ISL1: variants seen among roughly 807,000 people sequenced by gnomAD.
ISL1 encodes ISL LIM homeobox 1, also known as insulin gene enhancer protein ISL-1.
ISL1 carries 4 observed loss-of-function variants against 35.3 expected under a neutral mutation model. The observed-to-expected ratio is 0.11, with a 90% CI of 0.06 to 0.26. The LOEUF is 0.26. Ranked by LOEUF, ISL1 falls within the 10% of genes least tolerant of loss-of-function variation. The probability of loss-of-function intolerance (pLI) is 1.00; values close to 1 mark genes in which losing one functional copy is unlikely to be tolerated. For missense variants in ISL1, 340 were observed against 472.8 expected (o/e 0.72, Z 2.60); for synonymous variants, 186 against 172.3 (o/e 1.08, Z -0.62).
In ISL1 at chr5:51,393,647, A is replaced by G. The variant is rs1747569724; in HGVS notation, c.*37A>G. ...TCTGTATTTTTTTTCCCTGTTGGAGAAAGTGGGAAATTATAATGTCGAACT... is the reference window on the plus strand; with the variant it reads ...TCTGTATTTTTTTTCCCTGTTGGAGGAAGTGGGAAATTATAATGTCGAACT... On this transcript the variant is annotated 3_prime_UTR_variant, in exon 6 of 6. Coordinates refer to ENST00000230658, the MANE Select transcript of ISL1 (RefSeq NM_002202.3). 1 of 1,304,868 alleles carries G rather than the reference A, an allele frequency of 7.7e-7. No homozygotes were observed. Among genetic ancestry groups the G allele is most frequent in the Non-Finnish European group, 1.1e-6 (1 of 897,460 alleles). The allele number at this position is 1,304,868 out of a possible 1,614,324, so 80.8% of individuals were successfully genotyped here. A position where few individuals can be genotyped will look rare whatever the true frequency, so the allele number is the denominator to read the frequency against.
At position 51,390,657 on chromosome 5, in the gene ISL1, T is replaced by C. The variant is rs1747489162; in HGVS notation, c.766-617T>C. On this transcript the variant is annotated intron_variant, in intron 4 of 5. Transcript: ENST00000230658. ...CTTTCTTTTTCTTTTTTTTTTTTTT[T>C]TTTTTTTTTTTTTTTTTTTTTTTAC... 3.2e-5 allele frequency among the ~76,000 whole-genome samples: 4 copies of C among 125,776 alleles called. 1 individual carries two copies. The highest frequency in any genetic ancestry group is 3.4e-5 in the Non-Finnish European group (2 of 58,308). The allele number at this position is 125,776 out of a possible 152,430, so 82.5% of individuals were successfully genotyped here.
chr5:51,384,057 A>G (rs1313998067), intron 1 of ISL1, among the ~76,000 whole-genome samples: 1 of 152,224 alleles, frequency 6.6e-6, no homozygotes, highest in Non-Finnish European at 1.5e-5. Context: ...TTAGACTTGC[A>G]AAAGAGAACG....
rs1747388360 is a variant in ISL1, at chr5:51,387,867, A to G, written c.478+118A>G. On this transcript the variant is annotated intron_variant, in intron 3 of 5. Coordinates refer to ENST00000230658, the MANE Select transcript of ISL1 (RefSeq NM_002202.3). The surrounding 1 kb of genome is among the most constrained non-coding windows in gnomAD (Gnocchi z 4.3). ...CGTAGTGTTTGCCTGCAGTTAAATG[A>G]AGTGTTCTGTATGCAATTTGCGCTG... 7.4e-7 allele frequency: 1 copy of G among 1,350,078 alleles called. No homozygotes were observed. Among genetic ancestry groups the G allele is most frequent in the African/African-American group, 1.4e-5 (1 of 69,534 alleles). The allele number at this position is 1,350,078 out of a possible 1,614,324, so 83.6% of individuals were successfully genotyped here.
rs1218830727 is a variant in ISL1 at position 51,389,975 on chromosome 5, A to AGAC, written c.765+45_765+47dup. 2 of 1,603,506 alleles carry AGAC rather than the reference A, an allele frequency of 1.2e-6. No homozygotes were observed. Among genetic ancestry groups the AGAC allele is most frequent in the South Asian group, 2.2e-5 (2 of 90,552 alleles). The stretch of plus-strand genomic sequence containing the variant: ...CGGGCAGGGAATGCGAGGGGGAAGG[A>AGAC]GACGCAGCGTGCGAGGTGCGTTCCT... On this transcript the variant is annotated intron_variant, in intron 4 of 5. Transcript: ENST00000230658. This position sits in a 1 kb window ranked among gnomAD's most constrained non-coding sequence, Gnocchi z 5.0.
At chr5:51,390,636 C>CTTTTTTTTTTTTTTTTTTTTTT (rs1216503548) in intron 4 of ISL1, among the ~76,000 whole-genome samples, 1 of 74,318 alleles carries the variant, frequency 1.3e-5, no homozygotes, top group African/African-American at 4.2e-5. Context: ...TCTTTTCTTT[C>CTTTTTTTTTTTTTTTTTTTTTT]TTTTTCTTTT....
At chr5:51,386,293 A>C (rs1747339662) in intron 2 of ISL1, 1 of 204,274 alleles carries the variant, frequency 4.9e-6, no homozygotes, top group South Asian at 7.6e-5. Context: ...AATTGCACAC[A>C]GGCTTGCATG....
rs1328460303 is a variant in ISL1 at position 51,387,748 on chromosome 5, A to C, written c.477A>C (p.Ala159=). The C allele has an allele frequency of 4.3e-6, 7 of 1,614,086 alleles. No homozygotes were observed. Among genetic ancestry groups the C allele is most frequent in the Non-Finnish European group, 5.1e-6 (6 of 1,180,026 alleles). The part of the protein sequence containing the change: ...PLHPARPLQM[A]AEPISARQPA... The stretch of plus-strand genomic sequence containing the variant: ...ATCCAGCGCGGCCACTGCAAATGGC[A>C]GGTACTCCTCTGCCCGGCTCGGGTA... The change falls in exon 3 of 6, where the codon GCA becomes GCC. Residue 159 remains alanine, a splice_region_variant and synonymous_variant. Coordinates refer to ENST00000230658, the MANE Select transcript of ISL1 (RefSeq NM_002202.3). This position sits in a 1 kb window ranked among gnomAD's most constrained non-coding sequence, Gnocchi z 4.3.
At chr5:51,392,612 A>G (rs967436994) in intron 5 of ISL1, among the ~76,000 whole-genome samples, 5 of 152,186 alleles carry the variant, frequency 3.3e-5, no homozygotes, top group African/African-American at 1.2e-4. Flanking sequence ...TAGGCTCTAG[A>G]ACTAGGAAAA....
intron 3 of ISL1, among the ~76,000 whole-genome samples, chr5:51,388,080 C>T (rs1324018786): frequency 2.0e-5 from 3 of 152,210 alleles, no homozygotes; most frequent in African/African-American, 4.8e-5. Context: ...TTGCTGAAAA[C>T]GGGCTTCAGC....
In ISL1 at chr5:51,391,585, A is replaced by G. The variant is rs61557039; in HGVS notation, c.933+144A>G. On this transcript the variant is annotated intron_variant, in intron 5 of 5. Coordinates refer to ENST00000230658, the MANE Select transcript of ISL1 (RefSeq NM_002202.3). The stretch of plus-strand genomic sequence containing the variant: ...AACCAAGGAGGTGGGTAATGAAGAG[A>G]AGGGAGACAAATGCAGGGAAAACGA... 2.2e-3 allele frequency: 1,937 copies of G among 868,752 alleles called. 39 individuals are homozygous for G. In the African/African-American group the frequency reaches 0.029, roughly 13 times the overall value. The allele number at this position is 868,752 out of a possible 1,614,324, so 53.8% of individuals were successfully genotyped here.
intron 5 of ISL1, 108 bp downstream of exon 5, chr5:51,391,549 G>T: frequency 7.7e-7 from 1 of 1,297,046 alleles, no homozygotes. Flanking sequence ...TTGGGCTCAG[G>T]GTTGGGGAGA....
Position 51,387,417 on chromosome 5 carries a change from C to G in ISL1, c.219-73C>G. The G allele has an allele frequency of 6.5e-7, 1 of 1,537,654 alleles. No homozygotes were observed. The highest frequency in any genetic ancestry group is 1.8e-5 in the Admixed American group (1 of 56,544). On this transcript the variant is annotated intron_variant, in intron 2 of 5. Coordinates refer to ENST00000230658, the MANE Select transcript of ISL1 (RefSeq NM_002202.3). The surrounding 1 kb of genome is among the most constrained non-coding windows in gnomAD (Gnocchi z 4.3). ...GGATCTTGGGCCAGGGAAGTGCCGG[C>G]CTGAAGTGACCCCCTCTTCCTGTAC...
Position 51,384,662 on chromosome 5 carries a change from G to A in ISL1, c.150G>A (p.Gln50=). 6.2e-7 allele frequency: 1 copy of A among 1,614,176 alleles called. No individual in the cohort carries two copies. The highest frequency in any genetic ancestry group is 8.5e-7 in the Non-Finnish European group (1 of 1,180,014). Residue 50 remains glutamine, a synonymous_variant, in exon 2 of 6, where the codon CAG becomes CAA. Coordinates refer to ENST00000230658, the MANE Select transcript of ISL1 (RefSeq NM_002202.3). ...AACLKCAECN[Q]YLDESCTCFV... is the part of the protein sequence containing the mutation. Reference sequence around the variant, plus strand: ...GTTTGAAATGTGCGGAGTGTAATCAGTATTTGGACGAGAGCTGTACATGCT... The same window carrying A: ...GTTTGAAATGTGCGGAGTGTAATCAATATTTGGACGAGAGCTGTACATGCT...
intron 5 of ISL1, among the ~76,000 whole-genome samples, chr5:51,391,743 G>C (rs571014960): frequency 3.8e-4 from 58 of 152,202 alleles, no homozygotes; most frequent in African/African-American, 1.3e-3. Context: ...GCCAGAAGAT[G>C]TACAGTGTTG....
chr5:51,384,549 C>G lies in ISL1; in HGVS notation c.37C>G (p.Leu13Val). 1.2e-6 allele frequency: 2 copies of G among 1,614,040 alleles called. No individual in the cohort carries two copies. Among genetic ancestry groups the G allele is most frequent in the Non-Finnish European group, 1.7e-6 (2 of 1,179,964 alleles). The change falls in exon 2 of 6, where the codon CTG becomes GTG. Residue 13 changes from leucine (L) to valine (V), a missense_variant. Physicochemically the swap from Leu to Val is conservative, Grantham distance 32. Around this residue, in one of 7 missense-constraint regions of ISL1, gnomAD observed 22 missense variants for 18.4 expected, o/e 1.20. Coordinates refer to ENST00000230658, the MANE Select transcript of ISL1 (RefSeq NM_002202.3). ...ATTTATTTTCATTTCAGAAAAACGT[C>G]TGATTTCCCTATGTGTTGGTTGCGG... ...DMGDPPKKKR[L>V]ISLCVGCGNQ...
intron 1 of ISL1, 31 bp downstream of exon 1, chr5:51,383,730 G>C: frequency 6.3e-7 from 1 of 1,596,348 alleles, no homozygotes; most frequent in African/African-American, 1.3e-5. Flanking sequence ...GTGGGGCTCG[G>C]TGTGCTGTTC....
At chr5:51,391,638 G>A (rs1338177006) in intron 5 of ISL1, among the ~76,000 whole-genome samples, 197 bp downstream of exon 5, 1 of 151,458 alleles carries the variant, frequency 6.6e-6, no homozygotes, top group Non-Finnish European at 1.5e-5. Context: ...TTTTTTTAAT[G>A]AGACTGCATA....
rs756768110 is a variant in ISL1, at chr5:51,389,772, C to T, written c.605C>T (p.Ala202Val). The change falls in exon 4 of 6, where the codon GCA becomes GTA. Residue 202 changes from alanine (A) to valine (V), a missense_variant. Around this residue, in one of 7 missense-constraint regions of ISL1, gnomAD observed 24 missense variants for 59.7 expected, o/e 0.40. Coordinates refer to ENST00000230658, the MANE Select transcript of ISL1 (RefSeq NM_002202.3). This position sits in a 1 kb window ranked among gnomAD's most constrained non-coding sequence, Gnocchi z 5.0. ...QLHTLRTCYA[A>V]NPRPDALMKE... ...CACACCTTGCGGACCTGCTACGCCG[C>T]AAACCCGCGGCCAGATGCGCTCATG... 8 of 1,614,212 alleles carry T rather than the reference C, an allele frequency of 5.0e-6. No homozygotes were observed. The highest frequency in any genetic ancestry group is 6.8e-6 in the Non-Finnish European group (8 of 1,180,036).
chr5:51,393,427 T>A (rs1747563038), intron 5 of ISL1, 67 bp from the exon 6 acceptor site: 2 of 876,238 alleles, frequency 2.3e-6, no homozygotes, highest in Admixed American at 3.4e-5. Context: ...TACAATATGA[T>A]GAGTTTATAA....
Sources: allele counts gnomAD v4.1 joint callset (sites outside exome capture counted in the v4.1 genomes callset), GRCh38; gene constraint gnomAD v4.1.1; regional missense constraint gnomAD v4.1.1; non-coding constraint Gnocchi (gnomAD v3.1); transcripts MANE v1.5; gene names NCBI Gene and HGNC (gene_info 2026-07-23, HGNC 2026-07-21).